AJAP1: variants seen among roughly 807,000 people sequenced by gnomAD.
The protein encoded by AJAP1 is adherens junctions associated protein 1.
A neutral mutation model predicts 35.0 loss-of-function variants in AJAP1; 5 were observed. The ratio of observed to expected loss-of-function variants is 0.14; its 90% CI spans 0.07 to 0.30. The LOEUF (loss-of-function observed/expected upper bound fraction) is 0.30, where lower values mean the gene tolerates loss of function less well. Ranked by LOEUF, AJAP1 falls within the 10% of genes least tolerant of loss-of-function variation. AJAP1 has a pLI of 1.00. For synonymous variants in AJAP1, 284 were observed against 249.3 expected, an observed-to-expected ratio of 1.14 and a Z score of -1.31; for missense variants, 586 against 571.0, an observed-to-expected ratio of 1.03 and a Z score of -0.27.
At chr1:4,694,547 A>G (rs1406341654) in intron 1 of AJAP1, among the ~76,000 whole-genome samples, 1 of 152,252 alleles carries the variant, frequency 6.6e-6, no homozygotes, top group African/African-American at 2.4e-5. Flanking sequence ...CGAGTGGTCC[A>G]GGCCCACAGC....
At position 4,734,114 on chromosome 1, in the gene AJAP1, T is replaced by C. The variant is rs1337136484; in HGVS notation, c.829+21415T>C. ...GATTTGCAAAAGGCCCCTTCAATCATGACAATTAAAATCCAAATACAGACC... is the reference window on the plus strand; with the variant it reads ...GATTTGCAAAAGGCCCCTTCAATCACGACAATTAAAATCCAAATACAGACC... On this transcript the variant is annotated intron_variant, in intron 2 of 5. Coordinates refer to ENST00000378191, the MANE Select transcript of AJAP1 (RefSeq NM_018836.4). The surrounding 1 kb of genome is among the most constrained non-coding windows in gnomAD (Gnocchi z 4.3). Among the ~76,000 whole-genome samples the C allele has an allele frequency of 1.3e-5, 2 of 152,288 alleles. No individual in the cohort carries two copies. The highest frequency in any genetic ancestry group is 1.3e-4 in the Admixed American group (2 of 15,298).
intron 2 of AJAP1, among the ~76,000 whole-genome samples, chr1:4,766,904 G>T (rs1021385018): frequency 4.6e-5 from 7 of 152,104 alleles, no homozygotes; most frequent in Non-Finnish European, 8.8e-5. Context: ...GTGGAGATGG[G>T]TTACATCGAT....
At chr1:4,685,561 A>T (rs1639585689) in intron 1 of AJAP1, among the ~76,000 whole-genome samples, 1 of 152,186 alleles carries the variant, frequency 6.6e-6, no homozygotes, top group Non-Finnish European at 1.5e-5. Flanking sequence ...AGGAGCCATA[A>T]TCCCATCCAA....
At position 4,709,242 on chromosome 1, in the gene AJAP1, GTGGGGGCCGGTGGGGCCTGA is replaced by G. The variant is rs1359618367; in HGVS notation, c.30-2638_30-2619del. 1.8e-3 allele frequency among the ~76,000 whole-genome samples: 262 copies of G among 144,316 alleles called. No homozygotes were observed. The East Asian group carries it at 0.026, about 14-fold the overall frequency. The allele number at this position is 144,316 out of a possible 152,430, so 94.7% of individuals were successfully genotyped here. Reference sequence around the variant, plus strand: ...GGCTGGTGGGGGCTGGTGGGGCCTGGTGGGGGCCGGTGGGGCCTGATGGGGGCCGGTGGGGCCTGGTGGAG... The same window carrying G: ...GGCTGGTGGGGGCTGGTGGGGCCTGGTGGGGGCCGGTGGGGCCTGGTGGAG... On this transcript the variant is annotated intron_variant, in intron 1 of 5. Coordinates refer to ENST00000378191, the MANE Select transcript of AJAP1 (RefSeq NM_018836.4).
At chr1:4,669,397 G>C (rs947554521) in intron 1 of AJAP1, among the ~76,000 whole-genome samples, 13 of 152,332 alleles carry the variant, frequency 8.5e-5, no homozygotes, top group African/African-American at 2.6e-4. Flanking sequence ...GGCTGGGGAG[G>C]CCTCAGCAAA....
intron 1 of AJAP1, among the ~76,000 whole-genome samples, chr1:4,710,930 G>T (rs920107031): frequency 1.9e-4 from 29 of 152,140 alleles, no homozygotes; most frequent in Admixed American, 1.9e-3. Context: ...GGGCCGCCCC[G>T]CCAGCCCTGA....
At chr1:4,731,946 C>G (rs1557630398) in intron 2 of AJAP1, among the ~76,000 whole-genome samples, 1 of 152,212 alleles carries the variant, frequency 6.6e-6, no homozygotes, top group South Asian at 2.1e-4. Context: ...ATCGGACACC[C>G]CCTGGGTGGC....
rs1240049065 is a variant in AJAP1 at position 4,790,953 on chromosome 1, TTTTG to T, written c.*8472_*8475del. The T allele has an allele frequency of 7.6e-6, 1 of 132,128 alleles. No individual in the cohort carries two copies. Among genetic ancestry groups the T allele is most frequent in the Admixed American group, 7.5e-5 (1 of 13,366 alleles). 8.2% of individuals were successfully genotyped at this position (132,128 alleles called of 1,614,324 possible). A position where few individuals can be genotyped will look rare whatever the true frequency, so the allele number is the denominator to read the frequency against. On this transcript the variant is annotated 3_prime_UTR_variant, in exon 6 of 6. Coordinates refer to ENST00000378191, the MANE Select transcript of AJAP1 (RefSeq NM_018836.4). ...GTTTTTGTTTTTGTTTTTGTTTTTG[TTTTG>T]TTTAATTTCCTCTTCTGGCATCCCA...
rs1193869475 is a variant in AJAP1, at chr1:4,692,713, C to T, written c.30-19187C>T. ...CCTCCAAGCAGCCTTCCAGGCTCAG[C>T]CAAGCAGAGATGAAGCCACCCTGGC... On this transcript the variant is annotated intron_variant, in intron 1 of 5. Transcript: ENST00000378191. The surrounding 1 kb of genome is among the most constrained non-coding windows in gnomAD (Gnocchi z 4.4). 6.6e-6 allele frequency among the ~76,000 whole-genome samples: 1 copy of T among 152,202 alleles called. No homozygotes were observed.
rs1642074147 is a variant in AJAP1 at position 4,782,023 on chromosome 1, A to C, written c.*60-522A>C. Among the ~76,000 whole-genome samples, 2 of 152,096 alleles carry C rather than the reference A, an allele frequency of 1.3e-5. No homozygotes were observed. Among genetic ancestry groups the C allele is most frequent in the Admixed American group, 6.5e-5 (1 of 15,286 alleles). On this transcript the variant is annotated intron_variant, in intron 5 of 5. Transcript: ENST00000378191. This position sits in a 1 kb window ranked among gnomAD's most constrained non-coding sequence, Gnocchi z 5.3. Reference sequence around the variant, plus strand: ...GTGGATTTTCTGATGCAGTCCATTTATCTCTCCCGAATTCTGGCCTCGGGG... The same window carrying C: ...GTGGATTTTCTGATGCAGTCCATTTCTCTCTCCCGAATTCTGGCCTCGGGG...
chr1:4,655,795 C>T lies in AJAP1; in HGVS notation c.29+341C>T, dbSNP rs1429119983. On this transcript the variant is annotated intron_variant, in intron 1 of 5. Transcript: ENST00000378191. This position sits in a 1 kb window ranked among gnomAD's most constrained non-coding sequence, Gnocchi z 6.9. ...CGGCTGCCCCGGCGCGCCTCCTCCC[C>T]GGGGCCCGGGGCGAGGCGCCGGCCG... Among the ~76,000 whole-genome samples the T allele has an allele frequency of 6.7e-6, 1 of 148,570 alleles. No individual in the cohort carries two copies. The highest frequency in any genetic ancestry group is 2.0e-4 in the East Asian group (1 of 4,968).
Position 4,734,825 on chromosome 1 carries a change from C to G in AJAP1, c.829+22126C>G, listed in dbSNP as rs186058209. Among the ~76,000 whole-genome samples, 1 of 152,184 alleles carries G rather than the reference C, an allele frequency of 6.6e-6. No individual in the cohort carries two copies. The highest frequency in any genetic ancestry group is 1.5e-5 in the Non-Finnish European group (1 of 68,042). On this transcript the variant is annotated intron_variant, in intron 2 of 5. Coordinates refer to ENST00000378191, the MANE Select transcript of AJAP1 (RefSeq NM_018836.4). The surrounding 1 kb of genome is among the most constrained non-coding windows in gnomAD (Gnocchi z 4.3). ...TCCCCCGGACAAGGTTTCTAAGGCC[C>G]GGGAAGCATCTTCTGCTTCCGAGGC...
At chr1:4,673,792 A>G (rs1639297780) in intron 1 of AJAP1, among the ~76,000 whole-genome samples, 1 of 152,086 alleles carries the variant, frequency 6.6e-6, no homozygotes. Flanking sequence ...TCAGCGTTTT[A>G]GATGTGACTC....
chr1:4,782,724 TG>T lies in AJAP1; in HGVS notation c.*242del, dbSNP rs1422806080. On this transcript the variant is annotated 3_prime_UTR_variant, in exon 6 of 6. Coordinates refer to ENST00000378191, the MANE Select transcript of AJAP1 (RefSeq NM_018836.4). The surrounding 1 kb of genome is among the most constrained non-coding windows in gnomAD (Gnocchi z 5.3). ...ATTTTTGTAAAAATGCTCATGCCTA[TG>T]GGTGACTGCCTTCTCCCAGAGTTTT... 3 of 398,506 alleles carry T rather than the reference TG, an allele frequency of 7.5e-6. No homozygotes were observed. The highest frequency in any genetic ancestry group is 8.8e-6 in the Non-Finnish European group (2 of 226,086). The allele number at this position is 398,506 out of a possible 1,614,324, so 24.7% of individuals were successfully genotyped here.
intron 2 of AJAP1, among the ~76,000 whole-genome samples, chr1:4,755,699 C>T (rs1291419276): frequency 6.7e-6 from 1 of 150,304 alleles, no homozygotes; most frequent in African/African-American, 2.5e-5. Context: ...TTACTTGGGG[C>T]CATCACAGCA....
intron 1 of AJAP1, among the ~76,000 whole-genome samples, chr1:4,679,699 C>G (rs1639433873): frequency 6.6e-6 from 1 of 152,190 alleles, no homozygotes; most frequent in Non-Finnish European, 1.5e-5. Context: ...TCACTCAAAT[C>G]TCTGCCTCCA....
chr1:4,672,856 C>T (rs1343905279), intron 1 of AJAP1, among the ~76,000 whole-genome samples: 1 of 152,186 alleles, frequency 6.6e-6, no homozygotes, highest in African/African-American at 2.4e-5. Flanking sequence ...CTCAATTATT[C>T]CCAGTGGGTC....
chr1:4,738,616 G>A (rs1029391315), intron 2 of AJAP1, among the ~76,000 whole-genome samples: 1 of 152,298 alleles, frequency 6.6e-6, no homozygotes, highest in Admixed American at 6.5e-5. Context: ...CCCAGGCCAT[G>A]GCAGCACCGC....
rs36004956 is a variant in AJAP1 at position 4,783,521 on chromosome 1, G to GTA, written c.*1058_*1059dup. On this transcript the variant is annotated 3_prime_UTR_variant, in exon 6 of 6. Coordinates refer to ENST00000378191, the MANE Select transcript of AJAP1 (RefSeq NM_018836.4). ...TATATATATATATATGTTTGTGTGT[G>GTA]TATATATATATATATATATATATGT... 2,298 of 120,284 alleles carry GTA rather than the reference G, an allele frequency of 0.019. 33 individuals carry two copies. Among genetic ancestry groups the GTA allele is most frequent in the South Asian group, 0.053 (187 of 3,542 alleles). 7.5% of individuals were successfully genotyped at this position (120,284 alleles called of 1,614,324 possible). A position where few individuals can be genotyped will look rare whatever the true frequency, so the allele number is the denominator to read the frequency against.
Sources: gnomAD v4.1 joint callset for allele counts (sites outside exome capture counted in the v4.1 genomes callset) on GRCh38, gnomAD v4.1.1 for gene constraint, Gnocchi (gnomAD v3.1) non-coding constraint, MANE v1.5 for transcripts, NCBI Gene and HGNC (gene_info 2026-07-23, HGNC 2026-07-21) for gene names.